TMC1: variants seen among roughly 807,000 people sequenced by gnomAD.
TMC1 encodes the protein transmembrane channel-like protein 1.
TMC1 carries 84 observed loss-of-function variants against 105.8 expected under a neutral mutation model. The ratio of observed to expected loss-of-function variants is 0.79; its 90% CI spans 0.67 to 0.95. The LOEUF (loss-of-function observed/expected upper bound fraction) is 0.95. TMC1 is among the 40% of genes least tolerant of loss of function. TMC1 has a pLI of 0.00. For synonymous variants in TMC1, 315 were observed against 311.5 expected, an observed-to-expected ratio of 1.01 and a Z score of -0.12; for missense variants, 817 against 914.1, an observed-to-expected ratio of 0.89 and a Z score of 1.37.
At chr9:72,541,951 AAAAAAC>A (rs1823685892) in intron 1 of TMC1, among the ~76,000 whole-genome samples, 1 of 152,158 alleles carries the variant, frequency 6.6e-6, no homozygotes, top group African/African-American at 2.4e-5. Flanking sequence ...AAGGATTGTT[AAAAAAC>A]AAAAACAAAA....
rs573393896 is a variant in TMC1 at position 72,564,459 on chromosome 9, C to T, written c.-427-13443C>T. Among the ~76,000 whole-genome samples, 4 of 152,248 alleles carry T rather than the reference C, an allele frequency of 2.6e-5. No homozygotes were observed. The South Asian group carries it at 8.3e-4, about 32-fold the overall frequency. ...TCTTTTTAGGGGAGGAGGGGAACAGCTTTTCTCCCTTTTGTCTGATAACTG... is the reference window on the plus strand; with the variant it reads ...TCTTTTTAGGGGAGGAGGGGAACAGTTTTTCTCCCTTTTGTCTGATAACTG... On this transcript the variant is annotated intron_variant, in intron 1 of 23. Coordinates refer to ENST00000297784, the MANE Select transcript of TMC1 (RefSeq NM_138691.3).
At chr9:72,744,196 C>T (rs1663756) in intron 10 of TMC1, among the ~76,000 whole-genome samples, 72,176 of 152,120 alleles carry the variant, frequency 0.47, 19,476 homozygotes, top group African/African-American at 0.75. Context: ...TGCCATTTCT[C>T]TCTTGCTTTA....
At chr9:72,586,238 A>G (rs1407980215) in intron 2 of TMC1, among the ~76,000 whole-genome samples, 1 of 152,218 alleles carries the variant, frequency 6.6e-6, no homozygotes, top group Non-Finnish European at 1.5e-5. Flanking sequence ...TTTGATTCAG[A>G]TAAAGAACCA....
chr9:72,583,771 G>C (rs565294534), intron 2 of TMC1, among the ~76,000 whole-genome samples: 1 of 151,896 alleles, frequency 6.6e-6, no homozygotes, highest in Non-Finnish European at 1.5e-5. Context: ...CTTTCTCCTT[G>C]GTATTGATCT....
chr9:72,740,353 G>T lies in TMC1; in HGVS notation c.453+144G>T, dbSNP rs878855787. The T allele has an allele frequency of 1.7e-5, 11 of 632,594 alleles. No homozygotes were observed. In the South Asian group the frequency reaches 2.4e-4, roughly 14 times the overall value. The allele number at this position is 632,594 out of a possible 1,614,324, so 39.2% of individuals were successfully genotyped here. ...ACAGTATATACACAGTATATCTGTG[G>T]TATTGAAATTTACAGGGGAGATTTA... On this transcript the variant is annotated intron_variant, in intron 9 of 23. Coordinates refer to ENST00000297784, the MANE Select transcript of TMC1 (RefSeq NM_138691.3).
At chr9:72,757,922 G>T (rs1291971056) in intron 12 of TMC1, among the ~76,000 whole-genome samples, 1 of 152,114 alleles carries the variant, frequency 6.6e-6, no homozygotes, top group Admixed American at 6.5e-5. Context: ...GTGGATAGTG[G>T]CAAGCTAGTA....
At chr9:72,830,738 C>CTTTTTTTTTTTTTTTTTTCTT (rs71495342) in intron 23 of TMC1, 56 bp downstream of exon 23, 1 of 982,718 alleles carries the variant, frequency 1.0e-6, no homozygotes, top group Non-Finnish European at 1.4e-6. Flanking sequence ...CTTTTTCTTT[C>CTTTTTTTTTTTTTTTTTTCTT]TTTTTTTTTT....
intron 13 of TMC1, among the ~76,000 whole-genome samples, chr9:72,777,959 A>G (rs544341943): frequency 6.6e-6 from 1 of 152,206 alleles, no homozygotes; most frequent in Admixed American, 6.5e-5. Context: ...CATTCATTTG[A>G]TTACTATTTG....
rs775992461 is a variant in TMC1 at position 72,789,177 on chromosome 9, A to G, written c.1084A>G (p.Arg362Gly). Residue 362 changes from arginine to glycine, a missense_variant, in exon 15 of 24, where the codon AGA becomes GGA. Coordinates refer to ENST00000297784, the MANE Select transcript of TMC1 (RefSeq NM_138691.3). ...AQVEENVHLI[R>G]FLRFLANFFV... is the part of the protein sequence containing the mutation. ...AGTAGAAGAAAACGTCCACTTGATC[A>G]GATTCCTGAGGTTTCTGGCTAACTT... 3 of 1,613,674 alleles carry G rather than the reference A, an allele frequency of 1.9e-6. No homozygotes were observed. In the Admixed American group the frequency reaches 5.0e-5, roughly 27 times the overall value.
intron 8 of TMC1, among the ~76,000 whole-genome samples, chr9:72,716,199 C>T (rs1438460913): frequency 6.6e-6 from 1 of 152,238 alleles, no homozygotes. Flanking sequence ...GTCTGTCAGC[C>T]CCTACTGGGA....
intron 13 of TMC1, among the ~76,000 whole-genome samples, chr9:72,778,330 A>T (rs1319512973): frequency 6.6e-6 from 1 of 151,978 alleles, no homozygotes; most frequent in East Asian, 1.9e-4. Context: ...AAGGATGTAG[A>T]CTCTGTGCTG....
intron 5 of TMC1, among the ~76,000 whole-genome samples, chr9:72,669,926 C>G (rs1826102781): frequency 6.6e-6 from 1 of 152,116 alleles, no homozygotes; most frequent in South Asian, 2.1e-4. Context: ...ATTAGGTGAG[C>G]CTGTGATTGC....
At chr9:72,583,906 A>G (rs1824510744) in intron 2 of TMC1, among the ~76,000 whole-genome samples, 1 of 152,234 alleles carries the variant, frequency 6.6e-6, no homozygotes, top group Non-Finnish European at 1.5e-5. Context: ...TTGAAAAACA[A>G]TGCATTTGTA....
chr9:72,833,455 G>A (rs1231501218), intron 23 of TMC1, among the ~76,000 whole-genome samples: 1 of 152,132 alleles, frequency 6.6e-6, no homozygotes, highest in Non-Finnish European at 1.5e-5. Context: ...ATTTCAACTA[G>A]TGTGTGTCTG....
At chr9:72,636,707 C>CAAAAAAAAAAAAAAAAA (rs59553107) in intron 4 of TMC1, among the ~76,000 whole-genome samples, 2 of 83,224 alleles carry the variant, frequency 2.4e-5, no homozygotes, top group Non-Finnish European at 2.3e-5. Context: ...GACTCCATCT[C>CAAAAAAAAAAAAAAAAA]AAAAAAAAAA....
At chr9:72,536,268 C>T (rs1823582817) in intron 1 of TMC1, among the ~76,000 whole-genome samples, 1 of 152,198 alleles carries the variant, frequency 6.6e-6, no homozygotes, top group Non-Finnish European at 1.5e-5. Context: ...TTCCCATTTC[C>T]CTAAGGGAGA....
chr9:72,591,961 C>T lies in TMC1; in HGVS notation c.-306+13938C>T, dbSNP rs547556417. Among the ~76,000 whole-genome samples, 8 of 152,128 alleles carry T rather than the reference C, an allele frequency of 5.3e-5. No individual in the cohort carries two copies. The South Asian group carries it at 1.0e-3, about 20-fold the overall frequency. On this transcript the variant is annotated intron_variant, in intron 2 of 23. Transcript: ENST00000297784. ...GCATTTCTGACAAATTACCTGGAGG[C>T]GCTAGTTGCTAGTTTAGAGATCACA...
At chr9:72,803,337 C>T (rs533638239) in intron 17 of TMC1, among the ~76,000 whole-genome samples, 11 of 152,072 alleles carry the variant, frequency 7.2e-5, no homozygotes, top group African/African-American at 9.6e-5. Context: ...GATTTCAAGA[C>T]GAAAACATCA....
intron 5 of TMC1, among the ~76,000 whole-genome samples, chr9:72,687,761 T>G (rs1188826194): frequency 6.6e-6 from 1 of 152,148 alleles, no homozygotes; most frequent in African/African-American, 2.4e-5. Context: ...CAGAGGTTGT[T>G]TCATCTGTTC....
Sources: allele counts gnomAD v4.1 joint callset (sites outside exome capture counted in the v4.1 genomes callset), GRCh38; gene constraint gnomAD v4.1.1; transcripts MANE v1.5; gene names NCBI Gene and HGNC (gene_info 2026-07-23, HGNC 2026-07-21).